FUT9: variants seen among roughly 807,000 people sequenced by gnomAD.
The protein encoded by FUT9 is fucosyltransferase 9.
Under a neutral mutation model 29.7 loss-of-function variants are expected in FUT9, and 15 were observed. The ratio of observed to expected loss-of-function variants is 0.51; its 90% CI spans 0.34 to 0.78. FUT9 has a LOEUF of 0.78. Ranked by LOEUF, FUT9 falls within the 30% of genes least tolerant of loss-of-function variation. The pLI is 0.01. For synonymous variants in FUT9, 169 were observed against 153.7 expected (o/e 1.10, Z -0.74); for missense variants, 319 against 425.4 (o/e 0.75, Z 2.20).
chr6:96,058,634 T>C (rs1364597323), intron 1 of FUT9, among the ~76,000 whole-genome samples: 1 of 152,054 alleles, frequency 6.6e-6, no homozygotes, highest in Non-Finnish European at 1.5e-5. Flanking sequence ...AAGAACCAAA[T>C]AATAAATTTA....
chr6:96,029,694 A>ATTT (rs1770228077), intron 1 of FUT9, among the ~76,000 whole-genome samples: 1 of 151,670 alleles, frequency 6.6e-6, no homozygotes, highest in Admixed American at 6.6e-5. Flanking sequence ...AAGAAAAACG[A>ATTT]TTGTCAAAAG....
intron 2 of FUT9, among the ~76,000 whole-genome samples, chr6:96,121,600 C>T (rs903190820): frequency 2.6e-5 from 4 of 152,096 alleles, no homozygotes; most frequent in African/African-American, 7.2e-5. Context: ...AGTCAATTAT[C>T]GCTCTATAGG....
intron 1 of FUT9, among the ~76,000 whole-genome samples, chr6:96,022,473 C>T (rs1235131413): frequency 6.6e-6 from 1 of 152,010 alleles, no homozygotes; most frequent in Non-Finnish European, 1.5e-5. Context: ...AATGCAGAAA[C>T]TGAGACCATC....
intron 1 of FUT9, among the ~76,000 whole-genome samples, chr6:96,020,181 A>C (rs771792460): frequency 2.6e-5 from 4 of 152,170 alleles, no homozygotes; most frequent in Admixed American, 6.5e-5. Context: ...AAAATCTTTT[A>C]ACATTTTTGC....
At chr6:96,083,154 A>G (rs565927423) in intron 1 of FUT9, among the ~76,000 whole-genome samples, 1 of 152,170 alleles carries the variant, frequency 6.6e-6, no homozygotes, top group Admixed American at 6.5e-5. Flanking sequence ...TTCTAAGAGT[A>G]GAAACTTTGT....
rs1771173830 is a variant in FUT9, at chr6:96,078,363, T to C, written c.-97-35676T>C. On this transcript the variant is annotated intron_variant, in intron 1 of 2. Transcript: ENST00000302103. ...AATACACCTTTCCTCTTATGAACCT[T>C]CTTACAGTGTGCTTGCTTTGATCTC... 2.0e-5 allele frequency among the ~76,000 whole-genome samples: 3 copies of C among 150,312 alleles called. No homozygotes were observed. The South Asian group carries it at 6.3e-4, about 32-fold the overall frequency.
intron 2 of FUT9, among the ~76,000 whole-genome samples, chr6:96,195,234 A>G (rs939326322): frequency 2.0e-5 from 3 of 152,214 alleles, no homozygotes; most frequent in African/African-American, 7.2e-5. Flanking sequence ...CTGTCTAAAG[A>G]CAAACCCACT....
intron 1 of FUT9, among the ~76,000 whole-genome samples, chr6:96,061,409 T>C (rs1770872831): frequency 6.6e-6 from 1 of 151,140 alleles, no homozygotes; most frequent in South Asian, 2.1e-4. Flanking sequence ...TTAGTATTCC[T>C]AGTTTCTCAT....
intron 1 of FUT9, among the ~76,000 whole-genome samples, chr6:96,054,562 C>T (rs1342396905): frequency 2.0e-5 from 3 of 152,008 alleles, no homozygotes; most frequent in Non-Finnish European, 4.4e-5. Context: ...CACACATGAC[C>T]ATTAAAATTA....
chr6:96,028,716 A>G (rs920536552), intron 1 of FUT9, among the ~76,000 whole-genome samples: 4 of 151,630 alleles, frequency 2.6e-5, no homozygotes, highest in African/African-American at 7.3e-5. Flanking sequence ...GGATAATCCA[A>G]TTCGATAATC....
intron 1 of FUT9, among the ~76,000 whole-genome samples, chr6:96,101,459 G>A (rs1255597140): frequency 1.3e-5 from 2 of 151,844 alleles, no homozygotes; most frequent in Non-Finnish European, 1.5e-5. Flanking sequence ...TGAGGCAGGA[G>A]AATCACCTGA....
At chr6:96,069,500 A>C (rs929970596) in intron 1 of FUT9, among the ~76,000 whole-genome samples, 1 of 152,184 alleles carries the variant, frequency 6.6e-6, no homozygotes, top group Non-Finnish European at 1.5e-5. Flanking sequence ...AAATCTCAAT[A>C]GAATACCTTT....
At chr6:96,037,717 C>A (rs1770388265) in intron 1 of FUT9, among the ~76,000 whole-genome samples, 1 of 151,938 alleles carries the variant, frequency 6.6e-6, no homozygotes, top group Non-Finnish European at 1.5e-5. Context: ...GAAAAAAAGA[C>A]CCTTTTTATC....
intron 2 of FUT9, among the ~76,000 whole-genome samples, chr6:96,193,622 A>G (rs1437454465): frequency 1.3e-5 from 2 of 152,098 alleles, no homozygotes; most frequent in African/African-American, 4.8e-5. Flanking sequence ...AAACTAGTTC[A>G]ACCGTTGTGG....
intron 2 of FUT9, among the ~76,000 whole-genome samples, chr6:96,193,106 G>A (rs1306608216): frequency 1.3e-5 from 2 of 149,966 alleles, no homozygotes; most frequent in Non-Finnish European, 3.0e-5. Flanking sequence ...AACCCTAGAA[G>A]AAAACCTAGA....
chr6:96,044,544 T>C (rs1770524959), intron 1 of FUT9, among the ~76,000 whole-genome samples: 1 of 152,218 alleles, frequency 6.6e-6, no homozygotes, highest in Non-Finnish European at 1.5e-5. Flanking sequence ...TTATATTATT[T>C]GATATCTGTA....
At chr6:96,071,295 A>C (rs1161483040) in intron 1 of FUT9, among the ~76,000 whole-genome samples, 1 of 152,194 alleles carries the variant, frequency 6.6e-6, no homozygotes, top group African/African-American at 2.4e-5. Context: ...ATGTGGGGCT[A>C]TCTCTGGGAG....
chr6:96,167,316 G>A (rs1444854786), intron 2 of FUT9, among the ~76,000 whole-genome samples: 3 of 152,058 alleles, frequency 2.0e-5, no homozygotes, highest in East Asian at 3.8e-4. Flanking sequence ...CCAACCTGAT[G>A]GCAAATATGT....
chr6:96,085,112 A>G (rs767104564), intron 1 of FUT9, among the ~76,000 whole-genome samples: 1 of 152,192 alleles, frequency 6.6e-6, no homozygotes, highest in South Asian at 2.1e-4. Flanking sequence ...ACAGTACAGC[A>G]AAAGAAAAAG....
Sources: allele counts gnomAD v4.1 joint callset (sites outside exome capture counted in the v4.1 genomes callset), GRCh38; gene constraint gnomAD v4.1.1; transcripts MANE v1.5; gene names NCBI Gene and HGNC (gene_info 2026-07-23, HGNC 2026-07-21).